The following CCDC50 variants were observed in gnomAD, a reference collection of about 807,000 sequenced individuals.
CCDC50 encodes the protein coiled-coil domain containing 50.
CCDC50 carries 54 observed loss-of-function variants against 70.2 expected under a neutral mutation model. The observed-to-expected ratio is 0.77, with a 90% CI of 0.62 to 0.96. The LOEUF is 0.96. Among genes scored for constraint, CCDC50 ranks in the 50% least tolerant of loss-of-function variants. The pLI, the probability that CCDC50 is intolerant of heterozygous loss-of-function variation, is 0.00. For synonymous variants in CCDC50, 216 were observed against 198.8 expected (o/e 1.09, Z -0.73); for missense variants, 558 against 578.7 (o/e 0.96, Z 0.37).
At position 191,394,002 on chromosome 3, in the gene CCDC50, C is replaced by T. The variant is rs951139190; in HGVS notation, c.*2242C>T. On this transcript the variant is annotated 3_prime_UTR_variant, in exon 12 of 12. Coordinates refer to ENST00000392455, the MANE Select transcript of CCDC50 (RefSeq NM_178335.3). Reference sequence around the variant, plus strand: ...TAAAAATTCTGCATTTCTCTTGCCTCTCATGTACTTCATCCAGTTATTTAT... The same window carrying T: ...TAAAAATTCTGCATTTCTCTTGCCTTTCATGTACTTCATCCAGTTATTTAT... 1 of 152,048 alleles carries T rather than the reference C, an allele frequency of 6.6e-6. No individual in the cohort carries two copies. Among genetic ancestry groups the T allele is most frequent in the Non-Finnish European group, 1.5e-5 (1 of 67,998 alleles). 9.4% of individuals were successfully genotyped at this position (152,048 alleles called of 1,614,324 possible). A position where few individuals can be genotyped will look rare whatever the true frequency, so the allele number is the denominator to read the frequency against.
chr3:191,365,841 A>G, intron 4 of CCDC50, among the ~76,000 whole-genome samples: 1 of 152,160 alleles, frequency 6.6e-6, no homozygotes, highest in Non-Finnish European at 1.5e-5. Context: ...TCCATCCCTT[A>G]TATATTTAAA....
At position 191,397,216 on chromosome 3, in the gene CCDC50, T is replaced by C. The variant is rs2108682598; in HGVS notation, c.*5456T>C. On this transcript the variant is annotated 3_prime_UTR_variant, in exon 12 of 12. Transcript: ENST00000392455. ...GAACATACTATGACATATCATAGAA[T>C]TGGGATACATTTTTGTTGCACTGGA... 1 of 152,304 alleles carries C rather than the reference T, an allele frequency of 6.6e-6. No homozygotes were observed. The highest frequency in any genetic ancestry group is 1.9e-4 in the East Asian group (1 of 5,184). 9.4% of individuals were successfully genotyped at this position (152,304 alleles called of 1,614,324 possible).
intron 10 of CCDC50, 71 bp downstream of exon 10, chr3:191,382,896 A>G (rs1304965330): frequency 2.7e-6 from 3 of 1,119,262 alleles, no homozygotes; most frequent in South Asian, 1.3e-5. Flanking sequence ...CAGTTCCCTA[A>G]GAAGAGTGTA....
In CCDC50 at chr3:191,379,915, G is replaced by A. The variant is rs115164089; in HGVS notation, c.977-244G>A. 0.012 allele frequency among the ~76,000 whole-genome samples: 1,783 copies of A among 152,148 alleles called. 43 individuals are homozygous for A. The highest frequency in any genetic ancestry group is 0.041 in the African/African-American group (1,690 of 41,524). ...TTCTGCTGTTGCAGAAACTATGTGAGAGGGGACTTTTTACCAGGCAGGCTT... is the reference window on the plus strand; with the variant it reads ...TTCTGCTGTTGCAGAAACTATGTGAAAGGGGACTTTTTACCAGGCAGGCTT... On this transcript the variant is annotated intron_variant, in intron 6 of 11. Transcript: ENST00000392455.
Position 191,396,306 on chromosome 3 carries a change from A to C in CCDC50, c.*4546A>C, listed in dbSNP as rs1713855875. The C allele has an allele frequency of 6.6e-6, 1 of 152,212 alleles. No individual in the cohort carries two copies. Among genetic ancestry groups the C allele is most frequent in the Non-Finnish European group, 1.5e-5 (1 of 68,024 alleles). 9.4% of individuals were successfully genotyped at this position (152,212 alleles called of 1,614,324 possible). On this transcript the variant is annotated 3_prime_UTR_variant, in exon 12 of 12. Transcript: ENST00000392455. ...AGTCAGCTTTCCATTGAGATATAAC[A>C]TTCACAGATGATCCCCAAGTATCCT...
At position 191,397,070 on chromosome 3, in the gene CCDC50, C is replaced by T. The variant is rs1713884693; in HGVS notation, c.*5310C>T. 1 of 152,038 alleles carries T rather than the reference C, an allele frequency of 6.6e-6. No homozygotes were observed. The highest frequency in any genetic ancestry group is 2.4e-5 in the African/African-American group (1 of 41,380). 9.4% of individuals were successfully genotyped at this position (152,038 alleles called of 1,614,324 possible). On this transcript the variant is annotated 3_prime_UTR_variant, in exon 12 of 12. Coordinates refer to ENST00000392455, the MANE Select transcript of CCDC50 (RefSeq NM_178335.3). Reference sequence around the variant, plus strand: ...CATAATTAATTGTGTAACTTAATGCCCTGTTATTCATTGCTGAGGTTCATA... The same window carrying T: ...CATAATTAATTGTGTAACTTAATGCTCTGTTATTCATTGCTGAGGTTCATA...
intron 6 of CCDC50, among the ~76,000 whole-genome samples, chr3:191,376,905 C>T (rs1185656762): frequency 1.3e-5 from 2 of 152,134 alleles, no homozygotes; most frequent in South Asian, 2.1e-4. Flanking sequence ...CTGACCTCTA[C>T]GTTTCTGCTT....
At chr3:191,371,137 T>C (rs1322926047) in intron 5 of CCDC50, among the ~76,000 whole-genome samples, 1 of 152,164 alleles carries the variant, frequency 6.6e-6, no homozygotes, top group African/African-American at 2.4e-5. Context: ...TTTTAAGATT[T>C]CCATGTTCAT....
intron 1 of CCDC50, among the ~76,000 whole-genome samples, chr3:191,340,749 G>A (rs1171831303): frequency 3.3e-5 from 5 of 152,096 alleles, no homozygotes; most frequent in East Asian, 1.9e-4. Context: ...TCCCTCAGGC[G>A]GACATATGAG....
intron 1 of CCDC50, among the ~76,000 whole-genome samples, chr3:191,354,143 T>C (rs1712197307): frequency 6.6e-6 from 1 of 152,208 alleles, no homozygotes; most frequent in Non-Finnish European, 1.5e-5. Flanking sequence ...AAATGTAATA[T>C]GTAAGACATT....
At chr3:191,344,979 CAT>C (rs1341419972) in intron 1 of CCDC50, among the ~76,000 whole-genome samples, 1 of 152,130 alleles carries the variant, frequency 6.6e-6, no homozygotes, top group African/African-American at 2.4e-5. Flanking sequence ...ATCTTCAAAA[CAT>C]AAAGTTTTGA....
In CCDC50 at chr3:191,329,641, C is replaced by G; in HGVS notation, c.-34C>G. ...CGGCGCCGGCGGTGACCGGGAAGCC[C>G]GCGTTAAAGGGGCAACCGGGACCCT... On this transcript the variant is annotated 5_prime_UTR_variant, in exon 1 of 12. Transcript: ENST00000392455. 6.3e-7 allele frequency: 1 copy of G among 1,597,094 alleles called. No homozygotes were observed. Among genetic ancestry groups the G allele is most frequent in the African/African-American group, 1.3e-5 (1 of 74,146 alleles).
At chr3:191,345,351 A>T (rs1248788071) in intron 1 of CCDC50, among the ~76,000 whole-genome samples, 1 of 152,230 alleles carries the variant, frequency 6.6e-6, no homozygotes, top group African/African-American at 2.4e-5. Context: ...GCTGAGTCAG[A>T]TAAACCTTAT....
chr3:191,348,302 A>G (rs1236591736), intron 1 of CCDC50, among the ~76,000 whole-genome samples: 1 of 141,794 alleles, frequency 7.1e-6, no homozygotes, highest in Non-Finnish European at 1.6e-5. Context: ...CCCATTTGCA[A>G]GCCTCTCCCA....
intron 4 of CCDC50, among the ~76,000 whole-genome samples, chr3:191,369,182 A>C (rs979152101): frequency 6.6e-6 from 1 of 152,162 alleles, no homozygotes; most frequent in African/African-American, 2.4e-5. Context: ...GCCTAACACA[A>C]CGCAAAATCT....
At chr3:191,350,694 G>A (rs1469998200) in intron 1 of CCDC50, among the ~76,000 whole-genome samples, 1 of 141,668 alleles carries the variant, frequency 7.1e-6, no homozygotes, top group Non-Finnish European at 1.6e-5. Flanking sequence ...AGAAAATTCT[G>A]GCTTTGGTTG....
chr3:191,367,110 A>T lies in CCDC50; in HGVS notation c.331-2809A>T, dbSNP rs191787106. 3.3e-3 allele frequency among the ~76,000 whole-genome samples: 507 copies of T among 152,178 alleles called. 4 individuals carry two copies. The highest frequency in any genetic ancestry group is 0.012 in the African/African-American group (485 of 41,530). ...TCAAGCCTAGTAGACCTTTTCTTTC[A>T]AAAAAGAGCTGAGAGCTTAGAAGAG... On this transcript the variant is annotated intron_variant, in intron 4 of 11. Transcript: ENST00000392455.
rs1438088205 is a variant in CCDC50, at chr3:191,395,948, A to G, written c.*4188A>G. Reference sequence around the variant, plus strand: ...TAAGTAATATGGGCAGGTAGAAGCAAACTGGAGACTGTCCTGTTAATGCTG... The same window carrying G: ...TAAGTAATATGGGCAGGTAGAAGCAGACTGGAGACTGTCCTGTTAATGCTG... On this transcript the variant is annotated 3_prime_UTR_variant, in exon 12 of 12. Coordinates refer to ENST00000392455, the MANE Select transcript of CCDC50 (RefSeq NM_178335.3). The G allele has an allele frequency of 2.0e-5, 3 of 152,122 alleles. No homozygotes were observed. Among genetic ancestry groups the G allele is most frequent in the Non-Finnish European group, 4.4e-5 (3 of 68,012 alleles). The allele number at this position is 152,122 out of a possible 1,614,324, so 9.4% of individuals were successfully genotyped here.
intron 6 of CCDC50, among the ~76,000 whole-genome samples, chr3:191,379,690 G>A (rs1021163503): frequency 4.6e-5 from 7 of 152,120 alleles, no homozygotes; most frequent in African/African-American, 1.7e-4. Flanking sequence ...AGGTGCTGCT[G>A]TTCCTGCTCC....
Sources: allele counts gnomAD v4.1 joint callset (sites outside exome capture counted in the v4.1 genomes callset), GRCh38; gene constraint gnomAD v4.1.1; transcripts MANE v1.5; gene names NCBI Gene and HGNC (gene_info 2026-07-23, HGNC 2026-07-21).